CHD9: variants seen among roughly 807,000 people sequenced by gnomAD.
CHD9 encodes the protein chromodomain helicase DNA binding protein 9.
Under a neutral mutation model 316.1 loss-of-function variants are expected in CHD9, and 77 were observed. The ratio of observed to expected loss-of-function variants is 0.24; its 90% CI spans 0.20 to 0.29. CHD9 has a LOEUF of 0.29. CHD9 is among the 10% of genes least tolerant of loss of function. CHD9 has a pLI of 1.00. For synonymous variants in CHD9, 1,129 were observed against 1,158.3 expected (o/e 0.97, Z 0.51); for missense variants, 2,763 against 3,438.1 (o/e 0.80, Z 4.91).
chr16:53,176,455 A>G (rs892161193), intron 2 of CHD9, among the ~76,000 whole-genome samples: 3 of 152,342 alleles, frequency 2.0e-5, no homozygotes, highest in Non-Finnish European at 4.4e-5. Context: ...ATTATTTGCC[A>G]TATTACCTAA....
In CHD9 at chr16:53,122,708, C is replaced by G. The variant is rs1018355209; in HGVS notation, c.-164-33218C>G. On this transcript the variant is annotated intron_variant, in intron 1 of 38. Coordinates refer to ENST00000447540, the MANE Select transcript of CHD9 (RefSeq NM_001308319.2). Reference sequence around the variant, plus strand: ...TACAGGTGTGCACCACCACACCCAGCTAATTTTTATTTTTTTGAGACGGAG... The same window carrying G: ...TACAGGTGTGCACCACCACACCCAGGTAATTTTTATTTTTTTGAGACGGAG... Among the ~76,000 whole-genome samples the G allele has an allele frequency of 2.6e-5, 4 of 151,590 alleles. No homozygotes were observed. In the East Asian group the frequency reaches 7.8e-4, roughly 29 times the overall value.
intron 34 of CHD9, among the ~76,000 whole-genome samples, chr16:53,312,711 G>C (rs1388806301): frequency 2.6e-5 from 4 of 152,222 alleles, no homozygotes; most frequent in South Asian, 4.1e-4. Context: ...ATTTATATTA[G>C]AATAGGAAGC....
intron 24 of CHD9, among the ~76,000 whole-genome samples, chr16:53,276,405 T>C (rs1305836409): frequency 6.6e-6 from 1 of 152,170 alleles, no homozygotes; most frequent in Non-Finnish European, 1.5e-5. Context: ...TCAATTCATA[T>C]TCCTACTCTT....
At chr16:53,274,052 G>A (rs1217510111) in intron 23 of CHD9, among the ~76,000 whole-genome samples, 161 bp from the exon 24 acceptor site, 1 of 152,146 alleles carries the variant, frequency 6.6e-6, no homozygotes, top group Non-Finnish European at 1.5e-5. Context: ...TTTTGGAGAA[G>A]TTCTTTATAT....
Position 53,170,965 on chromosome 16 carries a change from T to C in CHD9, c.1452+13424T>C, listed in dbSNP as rs116595923. 4.1e-3 allele frequency among the ~76,000 whole-genome samples: 623 copies of C among 152,224 alleles called. 4 individuals are homozygous for C. The highest frequency in any genetic ancestry group is 0.014 in the African/African-American group (597 of 41,546). ...TATAACAAATATGCATAACAAAAGG[T>C]AGTCCCAATGCATGAACCTCTAAAA... On this transcript the variant is annotated intron_variant, in intron 2 of 38. Transcript: ENST00000447540.
At position 53,076,880 on chromosome 16, in the gene CHD9, T is replaced by A. The variant is rs146420637; in HGVS notation, c.-165+21803T>A. On this transcript the variant is annotated intron_variant, in intron 1 of 38. Coordinates refer to ENST00000447540, the MANE Select transcript of CHD9 (RefSeq NM_001308319.2). ...TACAAGCAAGGTCTCAGTGGCAGGATCACAGCTCACTGCAGCCTTGAACTC... is the reference window on the plus strand; with the variant it reads ...TACAAGCAAGGTCTCAGTGGCAGGAACACAGCTCACTGCAGCCTTGAACTC... Among the ~76,000 whole-genome samples the A allele has an allele frequency of 2.4e-4, 37 of 152,294 alleles. No homozygotes were observed. The East Asian group carries it at 6.9e-3, about 29-fold the overall frequency.
chr16:53,099,719 A>T (rs899476243), intron 1 of CHD9, among the ~76,000 whole-genome samples: 1 of 151,868 alleles, frequency 6.6e-6, no homozygotes, highest in Non-Finnish European at 1.5e-5. Context: ...CAGTCAGGTG[A>T]TCCTCCCCTG....
chr16:53,234,450 T>C (rs2048441801), intron 10 of CHD9, among the ~76,000 whole-genome samples: 1 of 152,190 alleles, frequency 6.6e-6, no homozygotes, highest in African/African-American at 2.4e-5. Context: ...TTAAATGTTA[T>C]GCTAGTTTTG....
intron 11 of CHD9, among the ~76,000 whole-genome samples, 178 bp downstream of exon 11, chr16:53,235,484 C>A (rs1418981215): frequency 3.3e-5 from 5 of 152,054 alleles, no homozygotes; most frequent in African/African-American, 1.2e-4. Context: ...CAATTGTTTT[C>A]TTTAAATGTA....
chr16:53,301,798 C>T (rs1291881521), intron 30 of CHD9, among the ~76,000 whole-genome samples: 2 of 140,730 alleles, frequency 1.4e-5, no homozygotes, highest in Non-Finnish European at 1.5e-5. Context: ...TGGAGTCTCG[C>T]TCTGTCGCCC....
intron 13 of CHD9, among the ~76,000 whole-genome samples, chr16:53,244,380 G>C (rs1022353093): frequency 1.3e-5 from 2 of 151,844 alleles, no homozygotes; most frequent in Non-Finnish European, 2.9e-5. Flanking sequence ...TTTTAGTAGA[G>C]ATGGGGTTTC....
chr16:53,158,719 C>T (rs1405053499), intron 2 of CHD9, among the ~76,000 whole-genome samples: 1 of 152,006 alleles, frequency 6.6e-6, no homozygotes, highest in African/African-American at 2.4e-5. Context: ...TCACTGCAGC[C>T]TCAACCTCCC....
intron 2 of CHD9, among the ~76,000 whole-genome samples, chr16:53,177,846 A>T (rs2043190528): frequency 6.6e-6 from 1 of 152,208 alleles, no homozygotes; most frequent in East Asian, 1.9e-4. Flanking sequence ...TACATCCAGA[A>T]TCTGGCAGAA....
chr16:53,269,747 A>C (rs1373066818), intron 22 of CHD9, among the ~76,000 whole-genome samples: 1 of 152,168 alleles, frequency 6.6e-6, no homozygotes, highest in South Asian at 2.1e-4. Flanking sequence ...TCGGATTAGG[A>C]GTGAATAGAG....
intron 22 of CHD9, 46 bp downstream of exon 22, chr16:53,268,172 A>G (rs1038524453): frequency 7.8e-7 from 1 of 1,287,962 alleles, no homozygotes; most frequent in African/African-American, 1.5e-5. Context: ...TTTTAGTTAT[A>G]TAAGTAATAC....
rs2057481265 is a variant in CHD9 at position 53,324,766 on chromosome 16, A to G, written c.8565A>G (p.Lys2855=). The change falls in exon 39 of 39, where the codon AAA becomes AAG. Residue 2855 remains lysine, a synonymous_variant. Transcript: ENST00000447540. The part of the protein sequence containing the change: ...EDSRIKDQED[K]GGTEPSPLNE... ...CCAGAATTAAAGATCAGGAAGACAAAGGAGGAACTGAACCAAGTCCTCTCA... is the reference window on the plus strand; with the variant it reads ...CCAGAATTAAAGATCAGGAAGACAAGGGAGGAACTGAACCAAGTCCTCTCA... 6.2e-7 allele frequency: 1 copy of G among 1,613,334 alleles called. No homozygotes were observed. Among genetic ancestry groups the G allele is most frequent in the African/African-American group, 1.3e-5 (1 of 74,936 alleles).
At chr16:53,152,783 T>A (rs2041223498) in intron 1 of CHD9, among the ~76,000 whole-genome samples, 1 of 152,158 alleles carries the variant, frequency 6.6e-6, no homozygotes, top group African/African-American at 2.4e-5. Context: ...TGATATATAA[T>A]TAATAGATGT....
chr16:53,131,036 AGGG>A (rs1491165760), intron 1 of CHD9: 1 of 143,042 alleles, frequency 7.0e-6, no homozygotes, highest in Non-Finnish European at 1.5e-5. Context: ...CCGCGCTGAC[AGGG>A]GGGCCTGGCC....
At chr16:53,222,064 GT>G (rs1165511329) in intron 3 of CHD9, among the ~76,000 whole-genome samples, 4 of 150,414 alleles carry the variant, frequency 2.7e-5, no homozygotes, top group Non-Finnish European at 1.5e-5. Context: ...TTATTTGTTT[GT>G]TTGCTTGCTT....
Sources: allele counts gnomAD v4.1 joint callset (sites outside exome capture counted in the v4.1 genomes callset), GRCh38; gene constraint gnomAD v4.1.1; transcripts MANE v1.5; gene names NCBI Gene and HGNC (gene_info 2026-07-23, HGNC 2026-07-21).